The following PRCP variants were observed in gnomAD, a reference collection of about 807,000 sequenced individuals.
PRCP encodes lysosomal Pro-X carboxypeptidase.
In PRCP, 46 loss-of-function variants were observed where a neutral mutation model predicts 54.2. The observed-to-expected ratio is 0.85, with a 90% CI of 0.67 to 1.09. The LOEUF is 1.09. Ranked by LOEUF, PRCP falls within the 50% of genes least tolerant of loss-of-function variation. The pLI, the probability that PRCP is intolerant of heterozygous loss-of-function variation, is 0.00. For synonymous variants in PRCP, 240 were observed against 212.2 expected, an observed-to-expected ratio of 1.13 and a Z score of -1.14; for missense variants, 613 against 596.8, an observed-to-expected ratio of 1.03 and a Z score of -0.28.
intron 8 of PRCP, chr11:82,831,146 C>A (rs889083883): frequency 1.3e-5 from 2 of 149,152 alleles, no homozygotes; most frequent in Admixed American, 6.7e-5. Context: ...TCACTGGCAA[C>A]AATTAATTTG....
chr11:82,880,805 A>G (rs1182230733), intron 1 of PRCP, among the ~76,000 whole-genome samples: 5 of 151,424 alleles, frequency 3.3e-5, no homozygotes, highest in Non-Finnish European at 4.4e-5. Flanking sequence ...AGAGGAGGAA[A>G]TGTGTGTTTT....
intron 3 of PRCP, among the ~76,000 whole-genome samples, chr11:82,852,592 A>G (rs973214825): frequency 3.9e-5 from 6 of 152,242 alleles, no homozygotes; most frequent in African/African-American, 1.2e-4. Context: ...TAATATAGCC[A>G]AAGTCACAAG....
chr11:82,828,985 G>A (rs944651023), intron 8 of PRCP: 1 of 152,106 alleles, frequency 6.6e-6, no homozygotes, highest in Non-Finnish European at 1.5e-5. Context: ...CACACAATCT[G>A]TCAACAAATC....
intron 1 of PRCP, among the ~76,000 whole-genome samples, chr11:82,878,014 T>G (rs1332703794): frequency 1.3e-5 from 2 of 152,206 alleles, no homozygotes; most frequent in African/African-American, 2.4e-5. Flanking sequence ...ACCCACCTCT[T>G]GCATCAGTGT....
intron 1 of PRCP, among the ~76,000 whole-genome samples, chr11:82,898,023 C>G (rs919150898): frequency 6.6e-6 from 1 of 152,158 alleles, no homozygotes; most frequent in African/African-American, 2.4e-5. Context: ...TGTGCTCTAA[C>G]TTAAAAACTT....
intron 8 of PRCP, chr11:82,827,420 C>G (rs1164614182): frequency 6.6e-6 from 1 of 152,280 alleles, no homozygotes; most frequent in African/African-American, 2.4e-5. Flanking sequence ...TTGACCTATT[C>G]TGAGTTGATT....
At chr11:82,887,737 C>T (rs1283096240) in intron 1 of PRCP, among the ~76,000 whole-genome samples, 1 of 152,166 alleles carries the variant, frequency 6.6e-6, no homozygotes, top group African/African-American at 2.4e-5. Context: ...CTAAATCTAA[C>T]CTTCCCCTTC....
chr11:82,848,903 T>C (rs1246423329), intron 6 of PRCP, 146 bp downstream of exon 6: 1 of 757,516 alleles, frequency 1.3e-6, no homozygotes, highest in Non-Finnish European at 2.1e-6. Flanking sequence ...AATCAGAAAG[T>C]AGCAGAACCC....
chr11:82,848,411 G>T (rs1858861579), intron 6 of PRCP, among the ~76,000 whole-genome samples: 1 of 152,064 alleles, frequency 6.6e-6, no homozygotes, highest in African/African-American at 2.4e-5. Flanking sequence ...ACCCTATTTG[G>T]TATGTAAGTA....
intron 1 of PRCP, among the ~76,000 whole-genome samples, chr11:82,863,664 G>A (rs7924546): frequency 0.37 from 55,872 of 152,074 alleles, 10,748 homozygotes; most frequent in African/African-American, 0.47. Flanking sequence ...AAAATTTTCA[G>A]ATTTGAAAAC....
At chr11:82,876,011 C>T (rs1193931340) in intron 1 of PRCP, among the ~76,000 whole-genome samples, 1 of 152,162 alleles carries the variant, frequency 6.6e-6, no homozygotes, top group Non-Finnish European at 1.5e-5. Context: ...AAAATTACTA[C>T]CTCATCCTCA....
chr11:82,870,141 C>T (rs1347639150), intron 1 of PRCP, among the ~76,000 whole-genome samples: 1 of 152,172 alleles, frequency 6.6e-6, no homozygotes, highest in Non-Finnish European at 1.5e-5. Flanking sequence ...GGCTGTCAGC[C>T]AGGACACAAT....
At chr11:82,875,974 C>T (rs1282155515) in intron 1 of PRCP, among the ~76,000 whole-genome samples, 1 of 152,184 alleles carries the variant, frequency 6.6e-6, no homozygotes, top group East Asian at 1.9e-4. Context: ...GCCTGGAATG[C>T]ATTCCTCTCT....
chr11:82,827,922 G>T (rs186805458), intron 8 of PRCP: 6 of 152,214 alleles, frequency 3.9e-5, no homozygotes, highest in African/African-American at 1.4e-4. Flanking sequence ...TCCATTTAAA[G>T]GAAGCAATTT....
Position 82,899,002 on chromosome 11 carries a change from T to G in PRCP, c.168+1233A>C, listed in dbSNP as rs190179491. Among the ~76,000 whole-genome samples the G allele has an allele frequency of 3.4e-3, 520 of 152,152 alleles. 8 individuals are homozygous for G. The highest frequency in any genetic ancestry group is 4.2e-3 in the Non-Finnish European group (284 of 68,016). ...TCTATTTTTAAAAATAAAAAAATTT[T>G]TAAATTATTTCTAAGTTATTCTGGA... is the stretch of plus-strand genomic sequence containing the variant. On this transcript the variant is annotated intron_variant, in intron 1 of 8. Coordinates refer to ENST00000313010, the MANE Select transcript of PRCP (RefSeq NM_005040.4).
upstream of PRCP, chr11:82,900,931 G>C: frequency 6.7e-6 from 3 of 449,234 alleles, no homozygotes; most frequent in South Asian, 4.7e-5. Context: ...AGGCAGGGAG[G>C]CACACGCATC....
chr11:82,853,557 C>A (rs1479787543), intron 2 of PRCP, among the ~76,000 whole-genome samples: 1 of 152,164 alleles, frequency 6.6e-6, no homozygotes, highest in East Asian at 1.9e-4. Context: ...GCCCTAGCAT[C>A]AACATTATGT....
chr11:82,846,972 A>G (rs1226080930), intron 6 of PRCP, among the ~76,000 whole-genome samples: 1 of 152,194 alleles, frequency 6.6e-6, no homozygotes, highest in Non-Finnish European at 1.5e-5. Context: ...CTATTTTTAC[A>G]AATAAGTTAT....
chr11:82,838,355 C>T, intron 8 of PRCP, 32 bp downstream of exon 8: 1 of 1,568,542 alleles, frequency 6.4e-7, no homozygotes, highest in South Asian at 1.2e-5. Flanking sequence ...GTTCCACCAA[C>T]TGAAGTTTAT....
Sources: gnomAD v4.1 joint callset for allele counts (sites outside exome capture counted in the v4.1 genomes callset) on GRCh38, gnomAD v4.1.1 for gene constraint, MANE v1.5 for transcripts, NCBI Gene and HGNC (gene_info 2026-07-23, HGNC 2026-07-21) for gene names.